UPF2: variants seen among roughly 807,000 people sequenced by gnomAD.
UPF2 encodes the protein UPF2 regulator of nonsense mediated mRNA decay, also known as regulator of nonsense transcripts 2.
A neutral mutation model predicts 141.4 loss-of-function variants in UPF2; 17 were observed. That is an observed-to-expected ratio of 0.12 (90% CI 0.08 to 0.18). UPF2 has a LOEUF of 0.18. Ranked by LOEUF, UPF2 falls within the 10% of genes least tolerant of loss-of-function variation. The pLI, the probability that UPF2 is intolerant of heterozygous loss-of-function variation, is 1.00. For synonymous variants in UPF2, 540 were observed against 498.0 expected, an observed-to-expected ratio of 1.08 and a Z score of -1.12; for missense variants, 1,152 against 1,515.9, an observed-to-expected ratio of 0.76 and a Z score of 3.99.
At chr10:11,948,557 G>A in intron 15 of UPF2, 49 bp from the exon 16 acceptor site, 1 of 1,594,706 alleles carries the variant, frequency 6.3e-7, no homozygotes, top group South Asian at 1.1e-5. Flanking sequence ...AATAGACACA[G>A]GCTAGTTTTC....
rs930385879 is a variant in UPF2, at chr10:11,940,934, A to T, written c.3378+1731T>A. On this transcript the variant is annotated intron_variant, in intron 18 of 21. Coordinates refer to ENST00000357604, the MANE Select transcript of UPF2 (RefSeq NM_015542.4). The surrounding 1 kb of genome is among the most constrained non-coding windows in gnomAD (Gnocchi z 4.2). ...TGTTCCCATCTTCCCTTAAATTTTCACCTGGATGGATGGCTCCACTTTACT... is the reference window on the plus strand; with the variant it reads ...TGTTCCCATCTTCCCTTAAATTTTCTCCTGGATGGATGGCTCCACTTTACT... 8.6e-5 allele frequency among the ~76,000 whole-genome samples: 13 copies of T among 151,074 alleles called. No individual in the cohort carries two copies. The highest frequency in any genetic ancestry group is 2.9e-4 in the African/African-American group (12 of 41,044).
In UPF2 at chr10:11,939,408, TC is replaced by T. The variant is rs1832908630; in HGVS notation, c.3379-2697del. 6.6e-6 allele frequency among the ~76,000 whole-genome samples: 1 copy of T among 152,206 alleles called. No individual in the cohort carries two copies. The highest frequency in any genetic ancestry group is 6.5e-5 in the Admixed American group (1 of 15,278). On this transcript the variant is annotated intron_variant, in intron 18 of 21. Transcript: ENST00000357604. This position sits in a 1 kb window ranked among gnomAD's most constrained non-coding sequence, Gnocchi z 4.8. ...TTCCCTTAACTGATTTGCAACGTTATCTTCATCATATTACTAAACGGTCATG... is the reference window on the plus strand; with the variant it reads ...TTCCCTTAACTGATTTGCAACGTTATTTCATCATATTACTAAACGGTCATG...
chr10:11,954,527 T>C (rs1833118078), intron 14 of UPF2, among the ~76,000 whole-genome samples: 1 of 151,070 alleles, frequency 6.6e-6, no homozygotes. Flanking sequence ...CCAGGTACTC[T>C]GGAGGCTGAG....
In UPF2 at chr10:12,042,646, G is replaced by GGAGTC. The variant is rs2131327031; in HGVS notation, c.-19+104_-19+108dup. On this transcript the variant is annotated intron_variant, in intron 1 of 21. Coordinates refer to ENST00000357604, the MANE Select transcript of UPF2 (RefSeq NM_015542.4). This position sits in a 1 kb window ranked among gnomAD's most constrained non-coding sequence, Gnocchi z 5.5. ...CGCCGACCCCGGAGAGCTGGAGTGT[G>GGAGTC]GAGTCGCCTCTGGGGTCCCCCAGGG... is the stretch of plus-strand genomic sequence containing the variant. 6.6e-6 allele frequency: 1 copy of GGAGTC among 152,540 alleles called. No homozygotes were observed. The highest frequency in any genetic ancestry group is 2.1e-4 in the South Asian group (1 of 4,826). The allele number at this position is 152,540 out of a possible 1,614,324, so 9.4% of individuals were successfully genotyped here.
At chr10:11,983,781 C>T (rs932012836) in intron 8 of UPF2, among the ~76,000 whole-genome samples, 4 of 152,098 alleles carry the variant, frequency 2.6e-5, no homozygotes, top group Non-Finnish European at 5.9e-5. Context: ...TTGTGATTTT[C>T]TTGTTCCTTC....
Position 11,953,441 on chromosome 10 carries a change from A to G in UPF2, c.2851-1192T>C, listed in dbSNP as rs11593210. 0.064 allele frequency among the ~76,000 whole-genome samples: 9,693 copies of G among 152,250 alleles called. 381 individuals are homozygous for G. Among genetic ancestry groups the G allele is most frequent in the Non-Finnish European group, 0.092 (6,235 of 68,002 alleles). ...AACTGTACACTCCATGTTCTGGGTG[A>G]AACACACAGACCTCATCACCCAGGC... On this transcript the variant is annotated intron_variant, in intron 14 of 21. Coordinates refer to ENST00000357604, the MANE Select transcript of UPF2 (RefSeq NM_015542.4). The surrounding 1 kb of genome is among the most constrained non-coding windows in gnomAD (Gnocchi z 5.0).
chr10:11,954,643 A>AAAAAATATAT (rs1439199969), intron 14 of UPF2, among the ~76,000 whole-genome samples: 15 of 128,354 alleles, frequency 1.2e-4, no homozygotes, highest in African/African-American at 3.2e-4. Flanking sequence ...CAAAAAAAAA[A>AAAAAATATAT]ATATATATAT....
At chr10:11,986,106 G>A (rs1435776859) in intron 8 of UPF2, among the ~76,000 whole-genome samples, 2 of 151,364 alleles carry the variant, frequency 1.3e-5, no homozygotes, top group Non-Finnish European at 2.9e-5. Context: ...GGATGGTCTC[G>A]ATCTCCTGAC....
At position 11,931,711 on chromosome 10, in the gene UPF2, T is replaced by C. The variant is rs919689777; in HGVS notation, c.3618A>G (p.Gln1206=). 6 of 1,613,752 alleles carry C rather than the reference T, an allele frequency of 3.7e-6. No individual in the cohort carries two copies. Among genetic ancestry groups the C allele is most frequent in the Admixed American group, 1.7e-5 (1 of 59,866 alleles). ...ANHWNQQQAE[Q]EERMRMKKLT... ...GCTTTTTCATTCTCATCCTCTCTTC[T>C]TGTTCTGCCTGTTGCTGGTTCCAGT... Residue 1206 remains glutamine, a synonymous_variant, in exon 20 of 22, where the codon CAA becomes CAG. Coordinates refer to ENST00000357604, the MANE Select transcript of UPF2 (RefSeq NM_015542.4). This position sits in a 1 kb window ranked among gnomAD's most constrained non-coding sequence, Gnocchi z 5.9.
At chr10:11,954,855 A>G (rs1833124912) in intron 14 of UPF2, among the ~76,000 whole-genome samples, 1 of 150,624 alleles carries the variant, frequency 6.6e-6, no homozygotes. Context: ...TGAGATGTAA[A>G]CCAGAATATA....
rs1832919052 is a variant in UPF2, at chr10:11,940,098, T to A, written c.3378+2567A>T. 6.6e-6 allele frequency among the ~76,000 whole-genome samples: 1 copy of A among 152,206 alleles called. No homozygotes were observed. The highest frequency in any genetic ancestry group is 1.5e-5 in the Non-Finnish European group (1 of 68,034). ...AAACAAAGAGACTCTGTACAGTTGT[T>A]CAGTATTTTGATAATGCTGAAAAAC... is the stretch of plus-strand genomic sequence containing the variant. On this transcript the variant is annotated intron_variant, in intron 18 of 21. Coordinates refer to ENST00000357604, the MANE Select transcript of UPF2 (RefSeq NM_015542.4). The surrounding 1 kb of genome is among the most constrained non-coding windows in gnomAD (Gnocchi z 4.2).
At chr10:12,024,014 G>T (rs553787399) in intron 3 of UPF2, among the ~76,000 whole-genome samples, 1 of 151,976 alleles carries the variant, frequency 6.6e-6, no homozygotes, top group Non-Finnish European at 1.5e-5. Flanking sequence ...AATAATAAAA[G>T]ATATTGAATA....
chr10:12,038,544 C>T (rs894412953), intron 1 of UPF2, among the ~76,000 whole-genome samples: 2 of 152,040 alleles, frequency 1.3e-5, no homozygotes, highest in Non-Finnish European at 2.9e-5. Context: ...GCCTGGCCAA[C>T]ATGTGGAAGC....
intron 3 of UPF2, among the ~76,000 whole-genome samples, chr10:12,024,583 C>G (rs1027367541): frequency 6.6e-6 from 1 of 152,064 alleles, no homozygotes; most frequent in Non-Finnish European, 1.5e-5. Context: ...GTACTCCAGC[C>G]TGGGCAACAC....
intron 4 of UPF2, among the ~76,000 whole-genome samples, chr10:12,012,905 A>G (rs1834156214): frequency 6.6e-6 from 1 of 151,952 alleles, no homozygotes; most frequent in African/African-American, 2.4e-5. Flanking sequence ...TTGGGAGGCC[A>G]AGGCAGGAGG....
At position 12,035,248 on chromosome 10, in the gene UPF2, CTCT is replaced by C. The variant is rs1321801582; in HGVS notation, c.173_175del (p.Lys58del). 7 of 1,613,456 alleles carry C rather than the reference CTCT, an allele frequency of 4.3e-6. No homozygotes were observed. Among genetic ancestry groups the C allele is most frequent in the East Asian group, 2.2e-5 (1 of 44,874 alleles). On this transcript the variant is annotated inframe_deletion, in exon 2 of 22. Transcript: ENST00000357604. ...CTTTTTTCTCTTATCATCTTCCAGT[CTCT>C]TCTTCTTGTCTTCAGGGGCCTTGCT... is the stretch of plus-strand genomic sequence containing the variant.
At chr10:11,999,843 C>A in intron 7 of UPF2, 63 bp downstream of exon 7, 1 of 1,308,818 alleles carries the variant, frequency 7.6e-7, no homozygotes, top group Non-Finnish European at 1.1e-6. Flanking sequence ...CATAGACATT[C>A]CTTATCAGAG....
chr10:11,967,753 T>C (rs1483366484), intron 9 of UPF2, among the ~76,000 whole-genome samples: 1 of 151,900 alleles, frequency 6.6e-6, no homozygotes, highest in African/African-American at 2.4e-5. Flanking sequence ...AGGGGTTTCA[T>C]CATGTTGGCC....
rs113510169 is a variant in UPF2 at position 12,002,526 on chromosome 10, T to C, written c.1505-701A>G. ...ACTTTCTCCTTTATGCAAGGGATAA[T>C]ATTTAAAAGGGATCTGATGTGAAAA... On this transcript the variant is annotated intron_variant, in intron 5 of 21. Transcript: ENST00000357604. Among the ~76,000 whole-genome samples the C allele has an allele frequency of 1.6e-3, 250 of 152,262 alleles. 1 individual carries two copies. The highest frequency in any genetic ancestry group is 5.6e-3 in the African/African-American group (231 of 41,556).
Sources: gnomAD v4.1 joint callset for allele counts (sites outside exome capture counted in the v4.1 genomes callset) on GRCh38, gnomAD v4.1.1 for gene constraint, Gnocchi (gnomAD v3.1) non-coding constraint, MANE v1.5 for transcripts, NCBI Gene and HGNC (gene_info 2026-07-23, HGNC 2026-07-21) for gene names.